The following SAFB2 variants were observed in gnomAD, a reference collection of about 807,000 sequenced individuals.
SAFB2 encodes scaffold attachment factor B2.
Under a neutral mutation model 100.6 loss-of-function variants are expected in SAFB2, and 32 were observed. The observed-to-expected ratio is 0.32, with a 90% CI of 0.24 to 0.43. The LOEUF is 0.43. Among genes scored for constraint, SAFB2 ranks in the 20% least tolerant of loss-of-function variants. SAFB2 has a pLI of 1.00. For synonymous variants in SAFB2, 500 were observed against 439.4 expected, an observed-to-expected ratio of 1.14 and a Z score of -1.72; for missense variants, 1,185 against 1,163.4, an observed-to-expected ratio of 1.02 and a Z score of -0.27.
intron 4 of SAFB2, among the ~76,000 whole-genome samples, chr19:5,614,782 G>A (rs564165151): frequency 6.6e-6 from 1 of 152,336 alleles, no homozygotes; most frequent in South Asian, 2.1e-4. Context: ...GTGAAAAGCT[G>A]GGAAAGCCCT....
chr19:5,590,471 G>C (rs1457563408), intron 17 of SAFB2, 63 bp from the exon 18 acceptor site: 6 of 1,519,980 alleles, frequency 3.9e-6, no homozygotes, highest in Non-Finnish European at 8.9e-7. Context: ...CCACCTTCCG[G>C]AAGGCCTGTC....
chr19:5,600,390 GA>G, intron 11 of SAFB2, 130 bp from the exon 12 acceptor site: 1 of 1,231,144 alleles, frequency 8.1e-7, no homozygotes, highest in Non-Finnish European at 1.1e-6. Flanking sequence ...AATTAGGTGG[GA>G]AAAATTATTT....
At position 5,604,524 on chromosome 19, in the gene SAFB2, G is replaced by GT. The variant is rs973722240; in HGVS notation, c.1559+58dup. ...AGATGCGTGTTTTTCAAGGCCCATG[G>GT]TGGCTGCCCGTGCCCTCCTCCCAGG... On this transcript the variant is annotated intron_variant, in intron 11 of 20. Transcript: ENST00000252542. The GT allele has an allele frequency of 1.3e-5, 17 of 1,312,158 alleles. No homozygotes were observed. In the African/African-American group the frequency reaches 2.3e-4, roughly 18 times the overall value. 81.3% of individuals were successfully genotyped at this position (1,312,158 alleles called of 1,614,324 possible). A position where few individuals can be genotyped will look rare whatever the true frequency, so the allele number is the denominator to read the frequency against.
At chr19:5,598,134 CAAAAA>C (rs11347497) in intron 13 of SAFB2, among the ~76,000 whole-genome samples, 1 of 61,200 alleles carries the variant, frequency 1.6e-5, no homozygotes, top group Non-Finnish European at 3.6e-5. Context: ...GACTCCATCT[CAAAAA>C]AAAAAAAAAA....
In SAFB2 at chr19:5,610,102, C is replaced by T. The variant is rs375405609; in HGVS notation, c.1196-7G>A. 1.3e-4 allele frequency: 213 copies of T among 1,613,156 alleles called. No individual in the cohort carries two copies. Among genetic ancestry groups the T allele is most frequent in the Non-Finnish European group, 1.6e-4 (188 of 1,179,380 alleles). ...GAACCGCTGCCGACCCGACCTGGCA[C>T]GAGAGGGAGATTCTTAGGCATCACC... is the stretch of plus-strand genomic sequence containing the variant. On this transcript the variant is annotated splice_polypyrimidine_tract_variant and splice_region_variant and intron_variant, in intron 8 of 20. Coordinates refer to ENST00000252542, the MANE Select transcript of SAFB2 (RefSeq NM_014649.3).
At chr19:5,594,285 C>A in intron 14 of SAFB2, 107 bp from the exon 15 acceptor site, 1 of 1,351,536 alleles carries the variant, frequency 7.4e-7, no homozygotes, top group Non-Finnish European at 9.7e-7. Flanking sequence ...AAAAATGGAT[C>A]CAAAAGCTCA....
In SAFB2 at chr19:5,621,403, G is replaced by C; in HGVS notation, c.187-7C>G. ...GCCCCTCTTCTTTAACCGCCTATTA[G>C]GGAGAGATGAGTTTTACAACATCAT... On this transcript the variant is annotated splice_polypyrimidine_tract_variant and splice_region_variant and intron_variant, in intron 1 of 20. Transcript: ENST00000252542. 6.3e-7 allele frequency: 1 copy of C among 1,585,930 alleles called. No homozygotes were observed. Among genetic ancestry groups the C allele is most frequent in the South Asian group, 1.1e-5 (1 of 90,512 alleles).
At chr19:5,610,191 C>T (rs765817002) in intron 8 of SAFB2, 96 bp from the exon 9 acceptor site, 25 of 924,156 alleles carry the variant, frequency 2.7e-5, no homozygotes, top group Non-Finnish European at 3.8e-5. Flanking sequence ...ACCCTAACGA[C>T]GCCCAATCCC....
chr19:5,590,636 C>T (rs1346974011), intron 17 of SAFB2, among the ~76,000 whole-genome samples: 1 of 152,218 alleles, frequency 6.6e-6, no homozygotes, highest in Non-Finnish European at 1.5e-5. Flanking sequence ...TGAGCTGCCC[C>T]AGGAGCCAGG....
At chr19:5,601,581 G>A (rs1350911485) in intron 11 of SAFB2, among the ~76,000 whole-genome samples, 1 of 151,854 alleles carries the variant, frequency 6.6e-6, no homozygotes, top group Non-Finnish European at 1.5e-5. Context: ...GCGTGGTGGC[G>A]CATGCCTGTA....
intron 9 of SAFB2, 55 bp from the exon 10 acceptor site, chr19:5,604,991 A>G (rs1201708378): frequency 3.2e-6 from 5 of 1,575,846 alleles, no homozygotes; most frequent in African/African-American, 2.7e-5. Flanking sequence ...ACAACTTGCT[A>G]AAGTTATTAC....
In SAFB2 at chr19:5,594,192, T is replaced by C. The variant is rs117280884; in HGVS notation, c.1920-14A>G. 0.016 allele frequency: 25,771 copies of C among 1,575,306 alleles called. 291 individuals are homozygous for C. The highest frequency in any genetic ancestry group is 0.024 in the Admixed American group (1,401 of 57,528). On this transcript the variant is annotated splice_polypyrimidine_tract_variant and intron_variant, in intron 14 of 20. Transcript: ENST00000252542. ...TGCTCGCGCTCCCTGCGGGGACAGG[T>C]GAGGCTGCCCTGAACTCCCTGCGTG... is the stretch of plus-strand genomic sequence containing the variant.
intron 15 of SAFB2, 130 bp downstream of exon 15, chr19:5,593,761 G>A (rs1234133934): frequency 2.9e-6 from 3 of 1,021,732 alleles, no homozygotes; most frequent in African/African-American, 1.7e-5. Flanking sequence ...GGGTCCCCAA[G>A]GCGCATGCTC....
intron 13 of SAFB2, 130 bp downstream of exon 13, chr19:5,598,663 A>G: frequency 1.3e-6 from 1 of 741,112 alleles, no homozygotes; most frequent in Non-Finnish European, 2.4e-6. Context: ...CGCAATCTAC[A>G]CAATTATCGC....
chr19:5,589,674 C>G (rs576046693), intron 18 of SAFB2, among the ~76,000 whole-genome samples: 1 of 152,264 alleles, frequency 6.6e-6, no homozygotes, highest in African/African-American at 2.4e-5. Context: ...CAGAGTCCTC[C>G]CAGACAAGCC....
intron 18 of SAFB2, 84 bp downstream of exon 18, chr19:5,590,194 C>T (rs1192859789): frequency 7.8e-7 from 1 of 1,274,716 alleles, no homozygotes; most frequent in African/African-American, 1.5e-5. Flanking sequence ...CTGAATCAAA[C>T]CTTGGGGACG....
intron 9 of SAFB2, 46 bp from the exon 10 acceptor site, chr19:5,604,982 C>A (rs1374925145): frequency 1.3e-6 from 2 of 1,592,526 alleles, no homozygotes; most frequent in Admixed American, 1.7e-5. Flanking sequence ...AATGACCACA[C>A]AACTTGCTAA....
At position 5,593,874 on chromosome 19, in the gene SAFB2, C is replaced by A; in HGVS notation, c.2207+17G>T. On this transcript the variant is annotated intron_variant, in intron 15 of 20. Coordinates refer to ENST00000252542, the MANE Select transcript of SAFB2 (RefSeq NM_014649.3). Reference sequence around the variant, plus strand: ...CACGCTGGTCTCCGTCCTGCCCACGCTCTGGGCGGGACTCACCGGTCCAGG... The same window carrying A: ...CACGCTGGTCTCCGTCCTGCCCACGATCTGGGCGGGACTCACCGGTCCAGG... 5.5e-6 allele frequency: 8 copies of A among 1,454,502 alleles called. No homozygotes were observed. In the South Asian group the frequency reaches 8.8e-5, roughly 16 times the overall value. The allele number at this position is 1,454,502 out of a possible 1,614,324, so 90.1% of individuals were successfully genotyped here.
At position 5,590,361 on chromosome 19, in the gene SAFB2, G is replaced by A. The variant is rs773820152; in HGVS notation, c.2442C>T (p.His814=). The change falls in exon 18 of 21, where the codon CAC becomes CAT. Residue 814 remains histidine (H), a synonymous_variant. Transcript: ENST00000252542. The part of the protein sequence containing the change: ...RHGHGGPPER[H]GRDSRDGWGG... ...CCCAGCCATCACGGGAGTCCCGGCC[G>A]TGGCGCTCTGGGGGTCCTCCGTGGC... 49 of 1,611,802 alleles carry A rather than the reference G, an allele frequency of 3.0e-5. No homozygotes were observed. The Admixed American group carries it at 4.5e-4, about 15-fold the overall frequency.
Sources: allele counts gnomAD v4.1 joint callset (sites outside exome capture counted in the v4.1 genomes callset), GRCh38; gene constraint gnomAD v4.1.1; transcripts MANE v1.5; gene names NCBI Gene and HGNC (gene_info 2026-07-23, HGNC 2026-07-21).